Variants in NRG1 observed in about 807,000 individuals in gnomAD.
NRG1 encodes the protein neuregulin 1.
In NRG1, 18 loss-of-function variants were observed where a neutral mutation model predicts 63.8. That is an observed-to-expected ratio of 0.28 (90% confidence interval 0.19 to 0.42). NRG1 has a LOEUF of 0.42. NRG1 is among the 10% of genes least tolerant of loss of function. The pLI, the probability that NRG1 is intolerant of heterozygous loss-of-function variation, is 1.00. For missense variants in NRG1, 762 were observed against 814.7 expected, an observed-to-expected ratio of 0.94 and a Z score of 0.79; for synonymous variants, 302 against 301.3, an observed-to-expected ratio of 1.00 and a Z score of -0.02.
intron 1 of NRG1, among the ~76,000 whole-genome samples, chr8:32,592,105 G>GTT (rs113892607): frequency 3.3e-4 from 48 of 145,170 alleles, no homozygotes; most frequent in Non-Finnish European, 3.3e-4. Context: ...AAGGCTCCCG[G>GTT]TTTTTTTTTT....
intron 1 of NRG1, among the ~76,000 whole-genome samples, chr8:31,646,522 A>T (rs1290110729): frequency 1.3e-5 from 2 of 152,212 alleles, no homozygotes. Context: ...TACCAGTAAT[A>T]CTATCATCCC....
intron 3 of NRG1, among the ~76,000 whole-genome samples, chr8:32,612,785 A>G (rs1294441643): frequency 6.6e-6 from 1 of 151,966 alleles, no homozygotes; most frequent in Non-Finnish European, 1.5e-5. Context: ...GCCCAGCTCT[A>G]GTTGAGCACC....
chr8:32,145,288 T>A (rs554036756), intron 1 of NRG1, among the ~76,000 whole-genome samples: 1 of 152,286 alleles, frequency 6.6e-6, no homozygotes, highest in East Asian at 1.9e-4. Context: ...CCAGAAGCAA[T>A]TGAGTATTTA....
chr8:31,891,765 G>T (rs1831162945), intron 1 of NRG1, among the ~76,000 whole-genome samples: 2 of 152,114 alleles, frequency 1.3e-5, no homozygotes, highest in African/African-American at 4.8e-5. Flanking sequence ...TGGGTGCATG[G>T]TTAAACACAT....
chr8:32,419,064 G>T (rs1816330659), intron 1 of NRG1, among the ~76,000 whole-genome samples: 1 of 152,194 alleles, frequency 6.6e-6, no homozygotes, highest in Non-Finnish European at 1.5e-5. Context: ...CTCAGCTATT[G>T]TATAGTTGTG....
intron 1 of NRG1, among the ~76,000 whole-genome samples, chr8:32,409,842 T>A (rs1399204143): frequency 6.6e-6 from 1 of 152,166 alleles, no homozygotes; most frequent in Non-Finnish European, 1.5e-5. Flanking sequence ...AACTAGGTAA[T>A]GAGAGCAAAT....
chr8:32,672,823 A>G (rs1379714382), intron 5 of NRG1, among the ~76,000 whole-genome samples: 3 of 152,196 alleles, frequency 2.0e-5, no homozygotes, highest in Non-Finnish European at 4.4e-5. Context: ...TGAGGCATTT[A>G]GCTCAGAGAA....
At chr8:32,305,149 A>T (rs1856039497) in intron 1 of NRG1, among the ~76,000 whole-genome samples, 1 of 152,218 alleles carries the variant, frequency 6.6e-6, no homozygotes, top group African/African-American at 2.4e-5. Context: ...TAATTTATGA[A>T]AAATGTTCAA....
chr8:32,548,231 G>A, upstream of NRG1: 1 of 985,536 alleles, frequency 1.0e-6, no homozygotes, highest in Non-Finnish European at 1.2e-6. Context: ...AGGGTGCGAA[G>A]GAGGCGCCTG....
chr8:32,593,766 T>C, intron 1 of NRG1, among the ~76,000 whole-genome samples: 1 of 151,424 alleles, frequency 6.6e-6, no homozygotes, highest in East Asian at 1.9e-4. Flanking sequence ...TTAGTCTGTT[T>C]TAAAAAACCT....
chr8:32,371,992 A>AT (rs60780562), intron 1 of NRG1, among the ~76,000 whole-genome samples: 5,855 of 129,360 alleles, frequency 0.045, 299 homozygotes, highest in African/African-American at 0.11. Context: ...CTTCTTCTTC[A>AT]TTTTTTTTTT....
chr8:31,920,863 CATAGATAGATAGATAGATAGGTAG>C (rs1833838590), intron 1 of NRG1, among the ~76,000 whole-genome samples: 2 of 140,984 alleles, frequency 1.4e-5, no homozygotes, highest in Non-Finnish European at 3.1e-5. Context: ...TGGATAGATA[CATAGATAGATAGATAGATAGGTAG>C]ATAGATAGAT....
intron 3 of NRG1, among the ~76,000 whole-genome samples, chr8:32,610,982 A>C (rs1270920282): frequency 6.6e-6 from 1 of 152,154 alleles, no homozygotes; most frequent in Non-Finnish European, 1.5e-5. Context: ...GTCTGTATAT[A>C]GGAAACCTTG....
intron 1 of NRG1, among the ~76,000 whole-genome samples, chr8:32,433,695 C>T (rs187354401): frequency 1.3e-5 from 2 of 152,230 alleles, no homozygotes; most frequent in Admixed American, 6.5e-5. Flanking sequence ...CAATTCTCAT[C>T]TATGCAGCTC....
At chr8:32,068,187 C>A (rs927476294) in intron 1 of NRG1, among the ~76,000 whole-genome samples, 3 of 152,166 alleles carry the variant, frequency 2.0e-5, no homozygotes. Context: ...ATCACTTAAC[C>A]TCTACAGTTT....
chr8:32,179,606 C>A (rs1841212900), intron 1 of NRG1, among the ~76,000 whole-genome samples: 1 of 152,192 alleles, frequency 6.6e-6, no homozygotes, highest in Non-Finnish European at 1.5e-5. Flanking sequence ...CCCTCTGTAA[C>A]AGGACTTTTC....
intron 1 of NRG1, among the ~76,000 whole-genome samples, chr8:32,309,860 A>C (rs1856621036): frequency 6.6e-6 from 1 of 152,250 alleles, no homozygotes. Context: ...CTTTTGCAAA[A>C]ATATGCAATT....
At chr8:31,795,605 T>G (rs7001470) in intron 1 of NRG1, among the ~76,000 whole-genome samples, 23,580 of 152,212 alleles carry the variant, frequency 0.15, 2,443 homozygotes, top group Non-Finnish European at 0.23. Context: ...TATTCCTTAC[T>G]AGACAAATTC....
At chr8:32,397,822 G>A (rs1203619255) in intron 1 of NRG1, among the ~76,000 whole-genome samples, 1 of 152,164 alleles carries the variant, frequency 6.6e-6, no homozygotes, top group Non-Finnish European at 1.5e-5. Flanking sequence ...ATGAAAGCAA[G>A]TTGACATTCT....
Sources: gnomAD v4.1 joint callset for allele counts (sites outside exome capture counted in the v4.1 genomes callset) on GRCh38, gnomAD v4.1.1 for gene constraint, MANE v1.5 for transcripts, NCBI Gene and HGNC (gene_info 2026-07-23, HGNC 2026-07-21) for gene names.